PKN2: variants seen among roughly 807,000 people sequenced by gnomAD.
PKN2 encodes serine/threonine-protein kinase N2.
PKN2 carries 38 observed loss-of-function variants against 119.1 expected under a neutral mutation model. The observed-to-expected ratio is 0.32, with a 90% CI of 0.25 to 0.42. The LOEUF (loss-of-function observed/expected upper bound fraction) is 0.42. Ranked by LOEUF, PKN2 falls within the 10% of genes least tolerant of loss-of-function variation. The pLI, the probability that PKN2 is intolerant of heterozygous loss-of-function variation, is 1.00. For missense variants in PKN2, 850 were observed against 1,165.1 expected (o/e 0.73, Z 3.94); for synonymous variants, 390 against 384.9 (o/e 1.01, Z -0.15).
At chr1:88,782,236 T>A (rs1265914526) in intron 6 of PKN2, among the ~76,000 whole-genome samples, 12 of 152,134 alleles carry the variant, frequency 7.9e-5, no homozygotes. Context: ...CTACTTTTAG[T>A]GTTTCTTGTT....
At chr1:88,736,454 C>G (rs1271119464) in intron 1 of PKN2, among the ~76,000 whole-genome samples, 1 of 151,988 alleles carries the variant, frequency 6.6e-6, no homozygotes, top group Non-Finnish European at 1.5e-5. Context: ...GCCTCTGCCT[C>G]TCAGGTTCAA....
chr1:88,728,862 C>A (rs1018801489), intron 1 of PKN2, among the ~76,000 whole-genome samples: 5 of 151,078 alleles, frequency 3.3e-5, no homozygotes, highest in Non-Finnish European at 5.9e-5. Flanking sequence ...AAGTCTATAG[C>A]CAATGTCCAG....
At chr1:88,718,928 T>C (rs1423482733) in intron 1 of PKN2, among the ~76,000 whole-genome samples, 1 of 152,184 alleles carries the variant, frequency 6.6e-6, no homozygotes, top group Admixed American at 6.6e-5. Context: ...AAATAAACAT[T>C]ACCAGTTTTG....
At chr1:88,787,056 G>A (rs1477062917) in intron 8 of PKN2, among the ~76,000 whole-genome samples, 1 of 151,680 alleles carries the variant, frequency 6.6e-6, no homozygotes, top group Non-Finnish European at 1.5e-5. Flanking sequence ...TAAAGTGGAG[G>A]TAGGAATGTA....
At chr1:88,691,880 A>G (rs1411199488) in intron 1 of PKN2, among the ~76,000 whole-genome samples, 1 of 152,176 alleles carries the variant, frequency 6.6e-6, no homozygotes, top group African/African-American at 2.4e-5. Context: ...TAATTGTTCT[A>G]TTTTATTATT....
chr1:88,785,611 A>G (rs1158084741), intron 7 of PKN2, among the ~76,000 whole-genome samples: 1 of 152,204 alleles, frequency 6.6e-6, no homozygotes, highest in African/African-American at 2.4e-5. Context: ...ATTCTGAAGT[A>G]TAAGCATAAA....
chr1:88,788,429 T>C (rs1298818573), intron 8 of PKN2, among the ~76,000 whole-genome samples: 2 of 152,064 alleles, frequency 1.3e-5, no homozygotes, highest in Non-Finnish European at 2.9e-5. Flanking sequence ...TAGCGTAGGG[T>C]ATAATCCAGG....
At chr1:88,717,376 A>G (rs13374836) in intron 1 of PKN2, among the ~76,000 whole-genome samples, 1 of 152,144 alleles carries the variant, frequency 6.6e-6, no homozygotes, top group Admixed American at 6.5e-5. Context: ...CCTGGATAAT[A>G]TCCTGCAGAG....
intron 8 of PKN2, among the ~76,000 whole-genome samples, chr1:88,799,301 CTG>C (rs1420757468): frequency 1.3e-5 from 2 of 152,212 alleles, no homozygotes; most frequent in Non-Finnish European, 2.9e-5. Context: ...ACTGTTGTCT[CTG>C]TATTTCTCAT....
At chr1:88,759,542 G>T (rs965412545) in intron 2 of PKN2, among the ~76,000 whole-genome samples, 10 of 151,964 alleles carry the variant, frequency 6.6e-5, no homozygotes, top group Admixed American at 2.0e-4. Flanking sequence ...TTTTTTCCTT[G>T]TTAAGTTCAT....
intron 8 of PKN2, among the ~76,000 whole-genome samples, chr1:88,788,074 G>A (rs1670654872): frequency 6.6e-6 from 1 of 152,170 alleles, no homozygotes; most frequent in Non-Finnish European, 1.5e-5. Flanking sequence ...TTTGTTTCCA[G>A]CATTTTGCCT....
At chr1:88,806,295 G>C (rs1000826841) in intron 12 of PKN2, 6 of 353,134 alleles carry the variant, frequency 1.7e-5, no homozygotes, top group Non-Finnish European at 2.6e-5. Flanking sequence ...TCAGCCTCCT[G>C]AATAACTGGG....
intron 3 of PKN2, among the ~76,000 whole-genome samples, chr1:88,768,454 G>A (rs562492303): frequency 2.0e-4 from 30 of 152,264 alleles, no homozygotes; most frequent in African/African-American, 7.2e-4. Flanking sequence ...AGCAGGTCCA[G>A]TTTTTCTCAC....
At chr1:88,688,625 A>G (rs1032684800) in intron 1 of PKN2, among the ~76,000 whole-genome samples, 1 of 152,240 alleles carries the variant, frequency 6.6e-6, no homozygotes, top group African/African-American at 2.4e-5. Flanking sequence ...ACAAAGAATA[A>G]TAGTACAAAT....
chr1:88,831,297 T>C (rs1247866813), intron 19 of PKN2, among the ~76,000 whole-genome samples: 2 of 151,664 alleles, frequency 1.3e-5, no homozygotes, highest in Admixed American at 6.6e-5. Flanking sequence ...TTCTTTGCTG[T>C]TCAGACTTGT....
chr1:88,817,921 G>C (rs1227171940), intron 16 of PKN2, among the ~76,000 whole-genome samples: 2 of 152,126 alleles, frequency 1.3e-5, no homozygotes, highest in Non-Finnish European at 2.9e-5. Flanking sequence ...TAGGAAGAAA[G>C]GAAGTCAAAT....
At chr1:88,777,595 A>G (rs1414418448) in intron 6 of PKN2, among the ~76,000 whole-genome samples, 1 of 152,280 alleles carries the variant, frequency 6.6e-6, no homozygotes, top group South Asian at 2.1e-4. Context: ...TGTAGAGACT[A>G]TTCTTTCTCA....
Position 88,684,346 on chromosome 1 carries a change from G to C in PKN2, c.-235G>C. 1 of 466,100 alleles carries C rather than the reference G, an allele frequency of 2.1e-6. No individual in the cohort carries two copies. The allele number at this position is 466,100 out of a possible 1,614,324, so 28.9% of individuals were successfully genotyped here. A position where few individuals can be genotyped will look rare whatever the true frequency, so the allele number is the denominator to read the frequency against. On this transcript the variant is annotated 5_prime_UTR_variant, in exon 1 of 22. Coordinates refer to ENST00000370521, the MANE Select transcript of PKN2 (RefSeq NM_006256.4). ...CCCAGAGGGAGCGACTAGACGAACA[G>C]TCCGGTGAGGGCGGCGAGAGGAAGC... is the stretch of plus-strand genomic sequence containing the variant.
intron 12 of PKN2, among the ~76,000 whole-genome samples, chr1:88,806,974 T>C (rs1024633261): frequency 3.3e-5 from 5 of 152,118 alleles, no homozygotes; most frequent in African/African-American, 9.7e-5. Context: ...CGCCTCGGCC[T>C]ACCAAAGTGC....
Sources: allele counts gnomAD v4.1 joint callset (sites outside exome capture counted in the v4.1 genomes callset), GRCh38; gene constraint gnomAD v4.1.1; transcripts MANE v1.5; gene names NCBI Gene and HGNC (gene_info 2026-07-23, HGNC 2026-07-21).